Variants in NUP35 observed in about 807,000 individuals in gnomAD.
The protein encoded by NUP35 is nucleoporin 35.
In NUP35, 25 loss-of-function variants were observed where a neutral mutation model predicts 41.5. That is an observed-to-expected ratio of 0.60 (90% CI 0.44 to 0.84). The LOEUF is 0.84. NUP35 is among the 40% of genes least tolerant of loss of function. The pLI is 0.00. For missense variants in NUP35, 396 were observed against 396.6 expected, an observed-to-expected ratio of 1.00 and a Z score of 0.01; for synonymous variants, 149 against 130.7, an observed-to-expected ratio of 1.14 and a Z score of -0.96.
At chr2:183,153,351 A>G (rs763493027) in intron 5 of NUP35, among the ~76,000 whole-genome samples, 46 of 152,116 alleles carry the variant, frequency 3.0e-4, no homozygotes, top group Non-Finnish European at 5.9e-4. Flanking sequence ...CCAAAAGTCC[A>G]CAGTCCCAAG....
chr2:183,118,703 G>T (rs1700024498), intron 1 of NUP35: 1 of 152,130 alleles, frequency 6.6e-6, no homozygotes, highest in Non-Finnish European at 1.5e-5. Context: ...AGGGGCATAA[G>T]GCAGAAGAGA....
intron 5 of NUP35, among the ~76,000 whole-genome samples, chr2:183,153,870 G>T (rs1035746052): frequency 3.9e-5 from 6 of 152,330 alleles, no homozygotes; most frequent in African/African-American, 1.4e-4. Flanking sequence ...CCTAGCGGAG[G>T]TTCTCCATGA....
In NUP35 at chr2:183,151,598, A is replaced by T. The variant is rs1250622507; in HGVS notation, c.488A>T (p.Asp163Val). 7 of 1,613,678 alleles carry T rather than the reference A, an allele frequency of 4.3e-6. No individual in the cohort carries two copies. The highest frequency in any genetic ancestry group is 5.1e-6 in the Non-Finnish European group (6 of 1,179,728). Residue 163 changes from aspartate (D) to valine (V), a missense_variant, in exon 5 of 9, where the codon GAT becomes GTT. By Grantham distance (152) the Asp-to-Val change is radical. Transcript: ENST00000295119. Reference protein sequence around the residue: ...AQLDPFYTQGDSLTSEDHLDD... With the variant: ...AQLDPFYTQGVSLTSEDHLDD... ...TTGGATCCTTTTTATACTCAAGGAGATTCTTTGACTTCAGAAGATCACCTC... is the reference window on the plus strand; with the variant it reads ...TTGGATCCTTTTTATACTCAAGGAGTTTCTTTGACTTCAGAAGATCACCTC...
At chr2:183,158,663 C>G (rs1166730060) in intron 7 of NUP35, among the ~76,000 whole-genome samples, 1 of 151,908 alleles carries the variant, frequency 6.6e-6, no homozygotes, top group Non-Finnish European at 1.5e-5. Flanking sequence ...AGTAACTTGT[C>G]CAGAGTTGTT....
chr2:183,136,306 T>C (rs984200612), intron 4 of NUP35, among the ~76,000 whole-genome samples: 1 of 152,356 alleles, frequency 6.6e-6, no homozygotes, highest in Non-Finnish European at 1.5e-5. Flanking sequence ...TATTATCTTC[T>C]GGTTTCTAGA....
chr2:183,137,098 A>T (rs530133835), intron 4 of NUP35, among the ~76,000 whole-genome samples: 1 of 152,134 alleles, frequency 6.6e-6, no homozygotes, highest in East Asian at 1.9e-4. Context: ...TCCAAAAAAA[A>T]GAAATCTTGG....
intron 4 of NUP35, among the ~76,000 whole-genome samples, chr2:183,142,950 A>G (rs1451980518): frequency 1.3e-5 from 2 of 151,756 alleles, no homozygotes; most frequent in African/African-American, 4.8e-5. Context: ...AGATCAGGAG[A>G]TCGAGACCGT....
upstream of NUP35, among the ~76,000 whole-genome samples, chr2:183,123,187 T>C (rs1469595450): frequency 6.6e-6 from 1 of 152,192 alleles, no homozygotes; most frequent in Non-Finnish European, 1.5e-5. Flanking sequence ...GTCCTTCTGG[T>C]ACTTTGATTT....
intron 4 of NUP35, among the ~76,000 whole-genome samples, chr2:183,140,040 A>AT (rs892549951): frequency 5.4e-4 from 82 of 152,350 alleles, no homozygotes; most frequent in African/African-American, 1.8e-3. Flanking sequence ...ATAATACTGA[A>AT]TAAAAACTAT....
intron 4 of NUP35, among the ~76,000 whole-genome samples, chr2:183,149,035 A>T (rs1685375518): frequency 6.6e-6 from 1 of 152,188 alleles, no homozygotes; most frequent in Non-Finnish European, 1.5e-5. Context: ...GTGACTATAA[A>T]CACTTTGGAA....
intron 4 of NUP35, among the ~76,000 whole-genome samples, chr2:183,149,361 CAT>C (rs750735556): frequency 3.9e-5 from 6 of 152,054 alleles, no homozygotes; most frequent in Non-Finnish European, 7.4e-5. Flanking sequence ...TTCATATAAA[CAT>C]AATCTTTTTT....
At chr2:183,153,909 C>T (rs1559155192) in intron 5 of NUP35, among the ~76,000 whole-genome samples, 1 of 152,226 alleles carries the variant, frequency 6.6e-6, no homozygotes, top group Non-Finnish European at 1.5e-5. Flanking sequence ...ACAATTTTGC[C>T]TGGGCATCCA....
intron 4 of NUP35, among the ~76,000 whole-genome samples, chr2:183,133,986 CAAT>C (rs1189958334): frequency 1.3e-5 from 2 of 151,826 alleles, no homozygotes; most frequent in East Asian, 3.9e-4. Context: ...TAAAACTTGT[CAAT>C]AAAAAAGCCA....
At position 183,133,638 on chromosome 2, in the gene NUP35, C is replaced by CTTT; in HGVS notation, c.397+30_397+32dup. The CTTT allele has an allele frequency of 2.8e-5, 37 of 1,343,072 alleles. No homozygotes were observed. Among genetic ancestry groups the CTTT allele is most frequent in the South Asian group, 8.6e-5 (6 of 69,556 alleles). 83.2% of individuals were successfully genotyped at this position (1,343,072 alleles called of 1,614,324 possible). ...TCCTGGAACAGGTAAGTGATTCTTT[C>CTTT]TTTTTTTTTTTTTTTTTAAAAGACA... On this transcript the variant is annotated intron_variant, in intron 4 of 8. Coordinates refer to ENST00000295119, the MANE Select transcript of NUP35 (RefSeq NM_138285.5).
At chr2:183,136,539 C>T (rs1486721542) in intron 4 of NUP35, among the ~76,000 whole-genome samples, 1 of 152,232 alleles carries the variant, frequency 6.6e-6, no homozygotes, top group African/African-American at 2.4e-5. Flanking sequence ...GGCTCTCCAT[C>T]TTCCATCTTC....
intron 4 of NUP35, among the ~76,000 whole-genome samples, chr2:183,142,327 G>A (rs1020705065): frequency 3.3e-5 from 5 of 151,668 alleles, no homozygotes; most frequent in African/African-American, 7.3e-5. Context: ...TCTCTTTTCC[G>A]TTTTTTGGAA....
chr2:183,151,426 A>G, intron 4 of NUP35, 82 bp from the exon 5 acceptor site: 1 of 1,350,678 alleles, frequency 7.4e-7, no homozygotes. Flanking sequence ...ATTAGACTTT[A>G]TCATTTAAAA....
intron 4 of NUP35, among the ~76,000 whole-genome samples, chr2:183,147,937 G>A (rs922186231): frequency 6.6e-6 from 1 of 151,578 alleles, no homozygotes; most frequent in East Asian, 1.9e-4. Flanking sequence ...TTGATATGTG[G>A]CTATTGTAAA....
chr2:183,137,427 T>A (rs1018325569), intron 4 of NUP35, among the ~76,000 whole-genome samples: 36 of 151,046 alleles, frequency 2.4e-4, no homozygotes, highest in East Asian at 9.8e-4. Context: ...CAAAAAAAAA[T>A]TTTTTAAATT....
Sources: allele counts gnomAD v4.1 joint callset (sites outside exome capture counted in the v4.1 genomes callset), GRCh38; gene constraint gnomAD v4.1.1; transcripts MANE v1.5; gene names NCBI Gene and HGNC (gene_info 2026-07-23, HGNC 2026-07-21).